EP300: variants seen among roughly 807,000 people sequenced by gnomAD.
EP300 encodes EP300 lysine acetyltransferase, also known as histone acetyltransferase p300.
A neutral mutation model predicts 264.0 loss-of-function variants in EP300; 31 were observed. The observed-to-expected ratio is 0.12, with a 90% confidence interval of 0.09 to 0.16. EP300 has a LOEUF of 0.16. EP300 is among the 10% of genes least tolerant of loss of function. The probability of loss-of-function intolerance (pLI) is 1.00; values close to 1 mark genes in which losing one functional copy is unlikely to be tolerated. For synonymous variants in EP300, 1,340 were observed against 1,045.4 expected, an observed-to-expected ratio of 1.28 and a Z score of -5.44; for missense variants, 2,766 against 3,052.9, an observed-to-expected ratio of 0.91 and a Z score of 2.21.
At chr22:41,118,387 T>C (rs1375294417) in intron 2 of EP300, among the ~76,000 whole-genome samples, 1 of 152,236 alleles carries the variant, frequency 6.6e-6, no homozygotes, top group Non-Finnish European at 1.5e-5. Flanking sequence ...AAAAATATTT[T>C]AAACTTTTAA....
At chr22:41,156,537 A>G (rs773330438) in intron 17 of EP300, among the ~76,000 whole-genome samples, 37 of 152,120 alleles carry the variant, frequency 2.4e-4, no homozygotes, top group Non-Finnish European at 5.1e-4. Context: ...CCTCACCAAC[A>G]TGGTGAAACC....
chr22:41,146,713 A>G, intron 10 of EP300, 26 bp from the exon 11 acceptor site: 2 of 1,608,648 alleles, frequency 1.2e-6, no homozygotes, highest in Non-Finnish European at 1.7e-6. Flanking sequence ...TGGTGCAAAG[A>G]TACTTATTTC....
rs572868943 is a variant in EP300 at position 41,125,820 on chromosome 22, A to G, written c.730-44A>G. 6.9e-5 allele frequency: 109 copies of G among 1,586,462 alleles called. No individual in the cohort carries two copies. The South Asian group carries it at 1.1e-3, about 16-fold the overall frequency. Reference sequence around the variant, plus strand: ...ATCAGAAAAGGAATAATAATGTCTTAAATTTTATTGCTTATTTTGTTTTCT... The same window carrying G: ...ATCAGAAAAGGAATAATAATGTCTTGAATTTTATTGCTTATTTTGTTTTCT... On this transcript the variant is annotated intron_variant, in intron 2 of 30. Transcript: ENST00000263253.
chr22:41,138,681 G>A (rs1448076971), intron 8 of EP300, among the ~76,000 whole-genome samples: 1 of 152,176 alleles, frequency 6.6e-6, no homozygotes, highest in African/African-American at 2.4e-5. Flanking sequence ...TAAAAAGGTA[G>A]AGCTTGGACC....
Position 41,177,634 on chromosome 22 carries a change from G to T in EP300, c.5923G>T (p.Gly1975Cys). ...TATGAACCCACCTCCCATGACCAGA[G>T]GTCCCAGTGGGCATTTGGAGCCAGG... is the stretch of plus-strand genomic sequence containing the variant. Reference protein sequence around the residue: ...MGMNPPPMTRGPSGHLEPGMG... With the variant: ...MGMNPPPMTRCPSGHLEPGMG... The change falls in exon 31 of 31, where the codon GGT becomes TGT. Residue 1975 changes from glycine to cysteine, a missense_variant. Physicochemically the swap from Gly to Cys is radical, Grantham distance 159 (BLOSUM62 -3). Coordinates refer to ENST00000263253, the MANE Select transcript of EP300 (RefSeq NM_001429.4). 1 of 1,614,090 alleles carries T rather than the reference G, an allele frequency of 6.2e-7. No homozygotes were observed. The highest frequency in any genetic ancestry group is 8.5e-7 in the Non-Finnish European group (1 of 1,180,024).
chr22:41,146,223 C>T (rs28444825), intron 10 of EP300, among the ~76,000 whole-genome samples: 1 of 147,600 alleles, frequency 6.8e-6, no homozygotes, highest in Non-Finnish European at 1.5e-5. Context: ...GGAGTGCAGT[C>T]GTGTGATCTT....
intron 11 of EP300, among the ~76,000 whole-genome samples, chr22:41,147,162 C>T (rs186541424): frequency 2.4e-4 from 36 of 152,100 alleles, no homozygotes; most frequent in Admixed American, 9.2e-4. Flanking sequence ...AAAAATTAGC[C>T]GGTTGTAGTG....
At chr22:41,093,570 TA>T (rs1164215478) in intron 1 of EP300, among the ~76,000 whole-genome samples, 1 of 152,236 alleles carries the variant, frequency 6.6e-6, no homozygotes, top group Non-Finnish European at 1.5e-5. Flanking sequence ...GAATAGGGTG[TA>T]AAAAAATCTT....
intron 10 of EP300, among the ~76,000 whole-genome samples, chr22:41,145,441 A>G (rs899786332): frequency 2.0e-5 from 3 of 152,198 alleles, no homozygotes; most frequent in Non-Finnish European, 4.4e-5. Flanking sequence ...TTCCTCTCCT[A>G]TGCCTGAGGC....
rs982834076 is a variant in EP300 at position 41,170,915 on chromosome 22, G to A, written c.4452+344G>A. ...CCTGACCTTGTGATCCGCCCGCCTT[G>A]GCCTCCCAAAGTGCTGGGATTACAG... On this transcript the variant is annotated intron_variant, in intron 27 of 30. Coordinates refer to ENST00000263253, the MANE Select transcript of EP300 (RefSeq NM_001429.4). 6.7e-5 allele frequency among the ~76,000 whole-genome samples: 10 copies of A among 150,308 alleles called. No homozygotes were observed. In the East Asian group the frequency reaches 1.2e-3, roughly 18 times the overall value.
At chr22:41,123,980 G>T (rs1225997012) in intron 2 of EP300, among the ~76,000 whole-genome samples, 15 of 152,222 alleles carry the variant, frequency 9.9e-5, no homozygotes, top group Admixed American at 6.5e-5. Context: ...CGGCACAGTG[G>T]CTAACGCCTG....
intron 1 of EP300, among the ~76,000 whole-genome samples, chr22:41,097,902 G>A (rs1402577178): frequency 2.0e-5 from 3 of 151,922 alleles, no homozygotes; most frequent in Non-Finnish European, 2.9e-5. Flanking sequence ...CACCATGTTG[G>A]CCATGATGGT....
chr22:41,161,777 A>T (rs2059109806), intron 20 of EP300, among the ~76,000 whole-genome samples: 1 of 152,214 alleles, frequency 6.6e-6, no homozygotes, highest in Non-Finnish European at 1.5e-5. Flanking sequence ...AAAATTTGGA[A>T]TTCTCTTGTT....
intron 16 of EP300, among the ~76,000 whole-genome samples, chr22:41,154,539 G>A (rs748242997): frequency 5.3e-5 from 8 of 151,602 alleles, no homozygotes; most frequent in Middle Eastern, 3.2e-3. Context: ...CACCATGTCC[G>A]ACTAATTTTT....
chr22:41,179,017 CTGAAAACAATTTTTT>C lies in EP300; in HGVS notation c.*66_*80del. ...TTTTCTCTTAACAAGACTTTTTGTACTGAAAACAATTTTTTTGAATCTTTCGTAGCCTAAAAGACA... is the reference window on the plus strand; with the variant it reads ...TTTTCTCTTAACAAGACTTTTTGTACTGAATCTTTCGTAGCCTAAAAGACA... On this transcript the variant is annotated 3_prime_UTR_variant, in exon 31 of 31. Transcript: ENST00000263253. The C allele has an allele frequency of 6.3e-7, 1 of 1,593,520 alleles. No homozygotes were observed. Among genetic ancestry groups the C allele is most frequent in the South Asian group, 1.1e-5 (1 of 90,350 alleles).
chr22:41,152,683 A>AATAG (rs2059053608), intron 16 of EP300, among the ~76,000 whole-genome samples: 1 of 152,144 alleles, frequency 6.6e-6, no homozygotes, highest in Non-Finnish European at 1.5e-5. Flanking sequence ...TAGCAATAGT[A>AATAG]ATAGCATTTG....
intron 8 of EP300, among the ~76,000 whole-genome samples, chr22:41,139,684 C>G (rs1026960666): frequency 1.3e-5 from 2 of 152,168 alleles, no homozygotes; most frequent in African/African-American, 2.4e-5. Context: ...CTGTCCACTT[C>G]AGGTTTTTGG....
In EP300 at chr22:41,149,021, T is replaced by G. The variant is rs543379609; in HGVS notation, c.2242-17T>G. On this transcript the variant is annotated splice_polypyrimidine_tract_variant and intron_variant, in intron 12 of 30. Coordinates refer to ENST00000263253, the MANE Select transcript of EP300 (RefSeq NM_001429.4). ...TAATGAAGCAGTTTGGTGATTTGTG[T>G]TTTTTTTTTTTTTCAGCCTATGGGC... The G allele has an allele frequency of 1.5e-4, 90 of 611,340 alleles. No individual in the cohort carries two copies. Among genetic ancestry groups the G allele is most frequent in the Middle Eastern group, 7.5e-4 (2 of 2,660 alleles). 37.9% of individuals were successfully genotyped at this position (611,340 alleles called of 1,614,324 possible).
At chr22:41,125,765 T>C (rs1469932043) in intron 2 of EP300, 99 bp from the exon 3 acceptor site, 2 of 1,322,292 alleles carry the variant, frequency 1.5e-6, no homozygotes, top group African/African-American at 1.5e-5. Context: ...GAATTTCCTT[T>C]GAAACTGTCT....
Sources: gnomAD v4.1 joint callset for allele counts (sites outside exome capture counted in the v4.1 genomes callset) on GRCh38, gnomAD v4.1.1 for gene constraint, MANE v1.5 for transcripts, NCBI Gene and HGNC (gene_info 2026-07-23, HGNC 2026-07-21) for gene names.